Variants in NOS1 observed in about 807,000 individuals in gnomAD.
The protein encoded by NOS1 is nitric oxide synthase 1.
A neutral mutation model predicts 164.5 loss-of-function variants in NOS1; 51 were observed. The observed-to-expected ratio is 0.31, with a 90% CI of 0.25 to 0.39. The LOEUF (loss-of-function observed/expected upper bound fraction) is 0.39. Ranked by LOEUF, NOS1 falls within the 10% of genes least tolerant of loss-of-function variation. The pLI, the probability that NOS1 is intolerant of heterozygous loss-of-function variation, is 1.00. For missense variants in NOS1, 1,362 were observed against 1,885.6 expected, an observed-to-expected ratio of 0.72 and a Z score of 5.14; for synonymous variants, 719 against 745.8, an observed-to-expected ratio of 0.96 and a Z score of 0.59.
At chr12:117,251,016 C>A (rs1024186108) in intron 17 of NOS1, among the ~76,000 whole-genome samples, 10 of 152,196 alleles carry the variant, frequency 6.6e-5, no homozygotes, top group Non-Finnish European at 1.3e-4. Flanking sequence ...TAGGTTGAAA[C>A]CTAACCCCCA....
intron 2 of NOS1, among the ~76,000 whole-genome samples, chr12:117,313,142 C>T (rs1207278946): frequency 6.6e-6 from 1 of 152,094 alleles, no homozygotes; most frequent in Non-Finnish European, 1.5e-5. Flanking sequence ...CTTCCTCCTC[C>T]TCGGCATCAG....
At chr12:117,264,068 G>A (rs1238682448) in intron 12 of NOS1, 94 bp from the exon 13 acceptor site, 3 of 848,880 alleles carry the variant, frequency 3.5e-6, no homozygotes, top group Non-Finnish European at 5.5e-6. Context: ...ACTTGTGACT[G>A]CCTGACCCTC....
At chr12:117,331,922 C>G (rs1444781169) in intron 1 of NOS1, among the ~76,000 whole-genome samples, 1 of 152,164 alleles carries the variant, frequency 6.6e-6, no homozygotes, top group Non-Finnish European at 1.5e-5. Flanking sequence ...TTTTTGGGCT[C>G]TCTGTTCCAG....
rs1373014186 is a variant in NOS1 at position 117,348,832 on chromosome 12, CAG to C, written c.-421+12678_-421+12679del. 2.6e-5 allele frequency among the ~76,000 whole-genome samples: 4 copies of C among 152,136 alleles called. No individual in the cohort carries two copies. The East Asian group carries it at 7.7e-4, about 29-fold the overall frequency. ...ACAAACTGTCACAGATCAGAGGAGG[CAG>C]AGAGAAATCAGCGCCGAAAGCAATG... On this transcript the variant is annotated intron_variant, in intron 1 of 28. Transcript: ENST00000317775.
At chr12:117,341,358 G>A (rs1414410524) in intron 1 of NOS1, among the ~76,000 whole-genome samples, 1 of 152,174 alleles carries the variant, frequency 6.6e-6, no homozygotes, top group African/African-American at 2.4e-5. Context: ...GAACTTGGTG[G>A]TGAGTCAACA....
At chr12:117,357,729 G>A (rs1394282756) in intron 1 of NOS1, among the ~76,000 whole-genome samples, 1 of 152,196 alleles carries the variant, frequency 6.6e-6, no homozygotes, top group Non-Finnish European at 1.5e-5. Flanking sequence ...TGGCATCTTT[G>A]CTTTTAACCA....
intron 22 of NOS1, among the ~76,000 whole-genome samples, chr12:117,231,560 A>C (rs1010347949): frequency 5.9e-5 from 9 of 152,162 alleles, no homozygotes; most frequent in Admixed American, 5.9e-4. Flanking sequence ...CTACCAACCA[A>C]GTACCCATAA....
chr12:117,352,225 T>A (rs983995131), intron 1 of NOS1, among the ~76,000 whole-genome samples: 4 of 149,702 alleles, frequency 2.7e-5, no homozygotes, highest in Non-Finnish European at 6.0e-5. Context: ...GCATACATAA[T>A]ACAGTGTTCA....
chr12:117,211,143 G>C lies in NOS1; in HGVS notation c.*4166C>G. The C allele has an allele frequency of 3.0e-6, 2 of 663,976 alleles. No homozygotes were observed. The highest frequency in any genetic ancestry group is 3.7e-6 in the Non-Finnish European group (2 of 536,930). 41.1% of individuals were successfully genotyped at this position (663,976 alleles called of 1,614,324 possible). A position where few individuals can be genotyped will look rare whatever the true frequency, so the allele number is the denominator to read the frequency against. ...AGCTAATTTTTGTATTTTCTTAGTA[G>C]AGTCAGGGTTTCTACTAACTGGCTG... On this transcript the variant is annotated 3_prime_UTR_variant, in exon 29 of 29. Coordinates refer to ENST00000317775, the MANE Select transcript of NOS1 (RefSeq NM_000620.5).
rs75386866 is a variant in NOS1, at chr12:117,330,735, G to A, written c.335C>T (p.Thr112Ile). 363 of 1,614,046 alleles carry A rather than the reference G, an allele frequency of 2.2e-4. No individual in the cohort carries two copies. Among genetic ancestry groups the A allele is most frequent in the Middle Eastern group, 4.9e-4 (3 of 6,062 alleles). ...GATGGTCTTGGGGGTCCCATCACCT[G>A]TAAAGGTGGTCTCCAGGTGCGTGGT... ...GFTTHLETTF[T>I]GDGTPKTIRV... The change falls in exon 2 of 29, where the codon ACA becomes ATA. Residue 112 changes from threonine (T) to isoleucine (I), a missense_variant. By Grantham distance (89) the Thr-to-Ile change is moderately conservative. Around this residue, in one of 4 missense-constraint regions of NOS1, gnomAD observed 362 missense variants for 402.0 expected, o/e 0.90. Transcript: ENST00000317775. The surrounding 1 kb of genome is among the most constrained non-coding windows in gnomAD (Gnocchi z 4.6).
intron 27 of NOS1, among the ~76,000 whole-genome samples, chr12:117,219,450 G>A (rs1436467569): frequency 1.3e-5 from 2 of 152,042 alleles, no homozygotes; most frequent in African/African-American, 4.8e-5. Context: ...GGGGCTACAG[G>A]TGCCCGCCAC....
intron 2 of NOS1, among the ~76,000 whole-genome samples, chr12:117,326,423 A>C (rs1875256694): frequency 6.8e-6 from 1 of 146,952 alleles, no homozygotes; most frequent in African/African-American, 2.5e-5. Flanking sequence ...AAACAAAAAC[A>C]AAAAGAAATG....
intron 1 of NOS1, among the ~76,000 whole-genome samples, chr12:117,355,688 C>T (rs1409838693): frequency 6.6e-6 from 1 of 152,092 alleles, no homozygotes; most frequent in African/African-American, 2.4e-5. Context: ...AAAACAGAGG[C>T]TGAGCAAGAG....
chr12:117,295,615 C>CTT (rs33913257), intron 3 of NOS1, among the ~76,000 whole-genome samples: 26,726 of 105,110 alleles, frequency 0.25, 4,011 homozygotes, highest in Non-Finnish European at 0.32. Flanking sequence ...CCTGATCATT[C>CTT]TTTTTTTTTT....
rs745463513 is a variant in NOS1, at chr12:117,243,461, G to A, written c.2824-26C>T. 1.1e-5 allele frequency: 18 copies of A among 1,611,334 alleles called. No homozygotes were observed. Among genetic ancestry groups the A allele is most frequent in the Middle Eastern group, 1.7e-4 (1 of 5,986 alleles). On this transcript the variant is annotated intron_variant, in intron 18 of 28. Coordinates refer to ENST00000317775, the MANE Select transcript of NOS1 (RefSeq NM_000620.5). The surrounding 1 kb of genome is among the most constrained non-coding windows in gnomAD (Gnocchi z 4.3). ...CTGTGGTGTACACAAGGCTTTCAGT[G>A]ACCTCTTTCAGCCAAGCGGATCTCC...
chr12:117,223,114 T>G (rs1468979104), intron 25 of NOS1, among the ~76,000 whole-genome samples: 1 of 152,160 alleles, frequency 6.6e-6, no homozygotes, highest in Non-Finnish European at 1.5e-5. Flanking sequence ...CAGATTTTAG[T>G]GGATCTCCCT....
chr12:117,334,723 C>A (rs1031829142), intron 1 of NOS1, among the ~76,000 whole-genome samples: 3 of 152,190 alleles, frequency 2.0e-5, no homozygotes, highest in African/African-American at 7.2e-5. Flanking sequence ...AACAATTCCA[C>A]AACACTTTCT....
intron 20 of NOS1, among the ~76,000 whole-genome samples, chr12:117,238,016 T>TG (rs1869868249): frequency 6.6e-6 from 1 of 151,842 alleles, no homozygotes. Flanking sequence ...ATTCCAGGGA[T>TG]GGGGAAGAGC....
intron 7 of NOS1, among the ~76,000 whole-genome samples, chr12:117,283,052 A>AT (rs1566057652): frequency 3.0e-5 from 2 of 67,556 alleles, no homozygotes; most frequent in African/African-American, 1.2e-4. Flanking sequence ...ATATATATAT[A>AT]TATATTTTTT....
Sources: gnomAD v4.1 joint callset for allele counts (sites outside exome capture counted in the v4.1 genomes callset) on GRCh38, gnomAD v4.1.1 for gene constraint, gnomAD v4.1.1 regional missense constraint, Gnocchi (gnomAD v3.1) non-coding constraint, MANE v1.5 for transcripts, NCBI Gene and HGNC (gene_info 2026-07-23, HGNC 2026-07-21) for gene names.